Variants in SEMA3A observed in about 807,000 individuals in gnomAD.
SEMA3A encodes the protein semaphorin-3A.
In SEMA3A, 29 loss-of-function variants were observed where a neutral mutation model predicts 97.9. The ratio of observed to expected loss-of-function variants is 0.30; its 90% CI spans 0.22 to 0.40. The LOEUF is 0.40. Among genes scored for constraint, SEMA3A ranks in the 10% least tolerant of loss-of-function variants. The pLI is 1.00. For missense variants in SEMA3A, 763 were observed against 951.3 expected (o/e 0.80, Z 2.60); for synonymous variants, 321 against 323.7 (o/e 0.99, Z 0.09).
intron 6 of SEMA3A, among the ~76,000 whole-genome samples, chr7:84,021,111 C>T (rs2116440310): frequency 6.6e-6 from 1 of 152,258 alleles, no homozygotes; most frequent in South Asian, 2.1e-4. Context: ...AAATGGGAAA[C>T]CTTGTCAGTT....
intron 3 of SEMA3A, among the ~76,000 whole-genome samples, chr7:84,219,563 C>A (rs1236245555): frequency 1.3e-5 from 2 of 152,152 alleles, no homozygotes; most frequent in African/African-American, 4.8e-5. Context: ...TGTTTCCCAG[C>A]ACATATAAAA....
chr7:84,290,436 G>A (rs2115781556), intron 3 of SEMA3A, among the ~76,000 whole-genome samples: 2 of 146,922 alleles, frequency 1.4e-5, no homozygotes, highest in East Asian at 5.1e-4. Flanking sequence ...ACATTTAAAA[G>A]TTGTTTTTTT....
At chr7:84,491,891 TACTC>T (rs891567729) in intron 1 of SEMA3A, among the ~76,000 whole-genome samples, 30 of 152,296 alleles carry the variant, frequency 2.0e-4, no homozygotes, top group Admixed American at 1.6e-3. Flanking sequence ...TTGTTTTAAA[TACTC>T]ACTATCATTG....
intron 4 of SEMA3A, among the ~76,000 whole-genome samples, chr7:84,091,167 G>GGAAGGAAGGAAGGAAAGAAAGAAA (rs1554324917): frequency 7.0e-5 from 3 of 42,894 alleles, no homozygotes; most frequent in African/African-American, 2.3e-4. Context: ...AAGGAAGGAA[G>GGAAGGAAGGAAGGAAAGAAAGAAA]GAAAGAAAGA....
intron 1 of SEMA3A, among the ~76,000 whole-genome samples, chr7:84,141,892 C>T (rs1477103961): frequency 2.0e-5 from 3 of 152,100 alleles, no homozygotes; most frequent in Non-Finnish European, 4.4e-5. Flanking sequence ...CATAGTATTC[C>T]ATGATGTATA....
At chr7:84,030,716 A>G (rs543373303) in intron 6 of SEMA3A, among the ~76,000 whole-genome samples, 5 of 152,294 alleles carry the variant, frequency 3.3e-5, no homozygotes, top group African/African-American at 1.2e-4. Flanking sequence ...ACGTATTTTT[A>G]TCCATTAAGA....
chr7:84,191,572 C>T (rs1295393610), intron 1 of SEMA3A, among the ~76,000 whole-genome samples: 1 of 151,722 alleles, frequency 6.6e-6, no homozygotes, highest in Admixed American at 6.6e-5. Flanking sequence ...TATGATTTTC[C>T]TGTATTTCAT....
At chr7:84,408,666 G>T (rs1432262669) in intron 1 of SEMA3A, among the ~76,000 whole-genome samples, 1 of 151,722 alleles carries the variant, frequency 6.6e-6, no homozygotes, top group East Asian at 1.9e-4. Context: ...ATGATAGAGT[G>T]GATTAAGAAA....
At chr7:84,004,092 ATGT>A (rs1048207210) in intron 11 of SEMA3A, among the ~76,000 whole-genome samples, 2 of 152,086 alleles carry the variant, frequency 1.3e-5, no homozygotes, top group Non-Finnish European at 2.9e-5. Flanking sequence ...GGGAAAATAA[ATGT>A]TGTTATACAA....
At chr7:84,242,487 T>C (rs1442846838) in intron 3 of SEMA3A, among the ~76,000 whole-genome samples, 1 of 152,212 alleles carries the variant, frequency 6.6e-6, no homozygotes, top group Non-Finnish European at 1.5e-5. Flanking sequence ...TCCTGAGACT[T>C]TGCTGAAGTT....
At chr7:84,483,712 C>CT (rs758851547) in intron 1 of SEMA3A, among the ~76,000 whole-genome samples, 2 of 151,758 alleles carry the variant, frequency 1.3e-5, no homozygotes, top group Non-Finnish European at 2.9e-5. Flanking sequence ...TTTTCAAAGA[C>CT]TTTGAGTGGG....
At chr7:84,044,120 TC>T (rs1792250514) in intron 6 of SEMA3A, among the ~76,000 whole-genome samples, 2 of 151,976 alleles carry the variant, frequency 1.3e-5, no homozygotes, top group African/African-American at 4.8e-5. Flanking sequence ...ACAAACATTT[TC>T]CCTCCCACAC....
intron 6 of SEMA3A, among the ~76,000 whole-genome samples, chr7:84,020,071 A>T (rs1791271065): frequency 1.2e-5 from 1 of 82,604 alleles, no homozygotes; most frequent in African/African-American, 4.7e-5. Context: ...TTTGAGACGG[A>T]GTCTCACTCT....
chr7:84,458,045 G>A (rs931107539), intron 1 of SEMA3A, among the ~76,000 whole-genome samples: 1 of 151,990 alleles, frequency 6.6e-6, no homozygotes, highest in African/African-American at 2.4e-5. Flanking sequence ...TCTTAGGTAA[G>A]ACTTTATGTT....
intron 2 of SEMA3A, among the ~76,000 whole-genome samples, chr7:84,346,603 G>A (rs371142518): frequency 2.0e-5 from 3 of 152,234 alleles, no homozygotes; most frequent in Non-Finnish European, 4.4e-5. Flanking sequence ...ATGGCTGGTC[G>A]GTGGAGCAGT....
At chr7:84,160,001 G>C (rs1584057575) in intron 1 of SEMA3A, among the ~76,000 whole-genome samples, 1 of 152,096 alleles carries the variant, frequency 6.6e-6, no homozygotes, top group Middle Eastern at 3.4e-3. Flanking sequence ...ATAAAAACAG[G>C]CAAAAATACC....
rs113047098 is a variant in SEMA3A at position 84,031,092 on chromosome 7, A to G, written c.667+15232T>C. Among the ~76,000 whole-genome samples the G allele has an allele frequency of 3.4e-5, 5 of 148,212 alleles. 1 individual carries two copies. The highest frequency in any genetic ancestry group is 1.2e-4 in the African/African-American group (5 of 40,008). ...ACTACAACCTCCGCCTCACAGATGC[A>G]AGCGATTCCCATGCCTGAGCCTCCT... On this transcript the variant is annotated intron_variant, in intron 6 of 16. Transcript: ENST00000265362.
chr7:84,282,541 GAA>G (rs1285326526), intron 3 of SEMA3A, among the ~76,000 whole-genome samples: 2 of 151,980 alleles, frequency 1.3e-5, no homozygotes, highest in African/African-American at 2.4e-5. Context: ...TTCTATTTGT[GAA>G]GTTTGTAAGC....
At chr7:84,460,939 C>T (rs1040848999) in intron 1 of SEMA3A, among the ~76,000 whole-genome samples, 1 of 152,210 alleles carries the variant, frequency 6.6e-6, no homozygotes, top group Non-Finnish European at 1.5e-5. Context: ...TACTCATACA[C>T]AGAGAGTATT....
Sources: gnomAD v4.1 joint callset for allele counts (sites outside exome capture counted in the v4.1 genomes callset) on GRCh38, gnomAD v4.1.1 for gene constraint, MANE v1.5 for transcripts, NCBI Gene and HGNC (gene_info 2026-07-23, HGNC 2026-07-21) for gene names.